Variants in DMD observed in about 807,000 individuals in gnomAD.
DMD encodes the protein mutant dystrophin.
A neutral mutation model predicts 330.1 loss-of-function variants in DMD; 63 were observed. The ratio of observed to expected loss-of-function variants is 0.19; its 90% CI spans 0.16 to 0.24. The LOEUF (loss-of-function observed/expected upper bound fraction) is 0.24. DMD is among the 10% of genes least tolerant of loss of function. The probability of loss-of-function intolerance (pLI) is 1.00; values close to 1 mark genes in which losing one functional copy is unlikely to be tolerated. For missense variants in DMD, 3,344 were observed against 2,684.1 expected (o/e 1.25, Z -5.43); for synonymous variants, 1,223 against 959.8 (o/e 1.27, Z -5.07).
In DMD at chrX:31,121,792, A is replaced by C. The variant is rs1218129278; in HGVS notation, c.*127T>G. 3.9e-5 allele frequency: 37 copies of C among 947,557 alleles called. No individual in the cohort carries two copies. The highest frequency in any genetic ancestry group is 5.5e-5 in the Non-Finnish European group (36 of 655,316). The allele number at this position is 947,557 out of a possible 1,213,427, so 78.1% of individuals were successfully genotyped here. ...CTGTCTAATCCTCTTTGTTGTATGA[A>C]TATTATAAAAACCATGCGGGAATCA... On this transcript the variant is annotated 3_prime_UTR_variant, in exon 79 of 79. Transcript: ENST00000357033.
chrX:32,473,299 C>T (rs2040858608), intron 21 of DMD, among the ~76,000 whole-genome samples: 1 of 111,015 alleles, frequency 9.0e-6, no homozygotes, highest in Admixed American at 9.6e-5. Flanking sequence ...TCTTAAGATT[C>T]AGAAGGAAAT....
intron 21 of DMD, among the ~76,000 whole-genome samples, chrX:32,478,777 C>T (rs886074524): frequency 9.0e-6 from 1 of 111,424 alleles, no homozygotes. Context: ...TGCTGAAAGT[C>T]GCTGCTGCTC....
intron 1 of DMD, among the ~76,000 whole-genome samples, chrX:33,091,046 G>C (rs1037563599): frequency 8.1e-5 from 9 of 110,941 alleles, no homozygotes; most frequent in Non-Finnish European, 1.3e-4. Context: ...ATGAGAGAAT[G>C]TTAAAGAAAA....
chrX:32,750,420 G>T (rs977057079), intron 7 of DMD, among the ~76,000 whole-genome samples: 1 of 111,914 alleles, frequency 8.9e-6, no homozygotes, highest in Non-Finnish European at 1.9e-5. Flanking sequence ...AGTAAATCAA[G>T]AAATGTGCAA....
At chrX:31,694,939 G>A (rs1378590655) in intron 52 of DMD, among the ~76,000 whole-genome samples, 1 of 110,035 alleles carries the variant, frequency 9.1e-6, no homozygotes, top group Non-Finnish European at 1.9e-5. Flanking sequence ...AAAAGAAAAG[G>A]AGGGAGTGTA....
At chrX:32,516,757 CA>C (rs767973425) in intron 18 of DMD, 2 of 111,375 alleles carry the variant, frequency 1.8e-5, no homozygotes, top group African/African-American at 6.5e-5. Flanking sequence ...AAAATCACAG[CA>C]AACAATTTAC....
rs534563252 is a variant in DMD, at chrX:32,901,410, C to T, written c.94-51590G>A. 4.6e-4 allele frequency among the ~76,000 whole-genome samples: 51 copies of T among 111,567 alleles called. No homozygotes were observed. The Middle Eastern group carries it at 0.014, about 31-fold the overall frequency. Reference sequence around the variant, plus strand: ...CAACTTCTCTTCAAAATTATTACTTCTTAAACTACAGTCAGCCAAGCAATT... The same window carrying T: ...CAACTTCTCTTCAAAATTATTACTTTTTAAACTACAGTCAGCCAAGCAATT... On this transcript the variant is annotated intron_variant, in intron 2 of 78. Transcript: ENST00000357033.
chrX:32,069,315 T>G (rs1351788001), intron 44 of DMD, among the ~76,000 whole-genome samples: 2 of 111,721 alleles, frequency 1.8e-5, no homozygotes, highest in East Asian at 2.8e-4. Context: ...AAATAAAAGC[T>G]AAATCTAAAT....
intron 45 of DMD, among the ~76,000 whole-genome samples, chrX:31,948,694 A>G (rs2095120480): frequency 1.8e-5 from 2 of 111,224 alleles, no homozygotes; most frequent in Non-Finnish European, 3.8e-5. Flanking sequence ...CTTTGGAGAA[A>G]TATATATTTA....
At chrX:31,768,729 G>T (rs890230925) in intron 51 of DMD, among the ~76,000 whole-genome samples, 1 of 111,850 alleles carries the variant, frequency 8.9e-6, no homozygotes, top group African/African-American at 3.2e-5. Flanking sequence ...AGATTTCTCC[G>T]ACACTAAGCT....
In DMD at chrX:31,147,512, C is replaced by T. The variant is rs2147936414; in HGVS notation, c.10560G>A (p.Leu3520=). ...LADLEEENRN[L]QAEYDRLKQQ... is the part of the protein sequence containing the mutation. ...GCTTTAGACGGTCATATTCTGCTTG[C>T]AGATTCCTATTGGCATCAAAAAAGT... The change falls in exon 75 of 79, where the codon CTG becomes CTA. Residue 3520 remains leucine (L), a synonymous_variant. Transcript: ENST00000357033. The T allele has an allele frequency of 8.5e-7, 1 of 1,182,861 alleles. No homozygotes were observed. Among genetic ancestry groups the T allele is most frequent in the Non-Finnish European group, 1.1e-6 (1 of 877,658 alleles).
intron 7 of DMD, among the ~76,000 whole-genome samples, chrX:32,766,215 T>C (rs768559670): frequency 9.0e-6 from 1 of 111,622 alleles, no homozygotes; most frequent in African/African-American, 3.2e-5. Context: ...GATAGAGTTG[T>C]CTATTTCTGC....
At chrX:31,216,879 A>G (rs1196520981) in intron 64 of DMD, among the ~76,000 whole-genome samples, 5 of 111,782 alleles carry the variant, frequency 4.5e-5, no homozygotes, top group Admixed American at 9.5e-5. Flanking sequence ...CCTGTACCAA[A>G]TCTCTATAAT....
At chrX:31,970,607 G>T (rs1200528147) in intron 44 of DMD, among the ~76,000 whole-genome samples, 1 of 110,748 alleles carries the variant, frequency 9.0e-6, no homozygotes, top group Non-Finnish European at 1.9e-5. Context: ...AGGGTTAGAG[G>T]CAGTGAGAGT....
At chrX:32,021,189 A>C (rs2095803545) in intron 44 of DMD, among the ~76,000 whole-genome samples, 1 of 112,285 alleles carries the variant, frequency 8.9e-6, no homozygotes, top group Non-Finnish European at 1.9e-5. Context: ...AAATATATAC[A>C]TTGTGTTATA....
intron 60 of DMD, among the ~76,000 whole-genome samples, chrX:31,392,415 T>C (rs2060721147): frequency 8.9e-6 from 1 of 112,471 alleles, no homozygotes; most frequent in African/African-American, 3.2e-5. Flanking sequence ...TCATTATATA[T>C]CCCTTTACTA....
At chrX:31,176,045 C>T (rs1301898289) in intron 71 of DMD, among the ~76,000 whole-genome samples, 2 of 111,486 alleles carry the variant, frequency 1.8e-5, no homozygotes, top group African/African-American at 6.5e-5. Flanking sequence ...GATTTGTTAA[C>T]ATTAGATACA....
At chrX:32,754,654 A>C (rs1197279841) in intron 7 of DMD, among the ~76,000 whole-genome samples, 1 of 111,900 alleles carries the variant, frequency 8.9e-6, no homozygotes, top group African/African-American at 3.2e-5. Flanking sequence ...ATTAATTTAG[A>C]TGAATGAGTC....
chrX:31,316,659 CAT>C (rs960260524), intron 62 of DMD, among the ~76,000 whole-genome samples: 3 of 111,932 alleles, frequency 2.7e-5, no homozygotes, highest in African/African-American at 9.8e-5. Flanking sequence ...ATGATTATAT[CAT>C]CAATAATGTA....
Sources: allele counts gnomAD v4.1 joint callset (sites outside exome capture counted in the v4.1 genomes callset), GRCh38; gene constraint gnomAD v4.1.1; transcripts MANE v1.5; gene names NCBI Gene and HGNC (gene_info 2026-07-23, HGNC 2026-07-21).